LRP1B: variants seen among roughly 807,000 people sequenced by gnomAD.
LRP1B encodes low-density lipoprotein receptor-related protein 1B.
In LRP1B, 217 loss-of-function variants were observed where a neutral mutation model predicts 556.6. The observed-to-expected ratio is 0.39, with a 90% CI of 0.35 to 0.44. The LOEUF is 0.44. Among genes scored for constraint, LRP1B ranks in the 20% least tolerant of loss-of-function variants. The pLI, the probability that LRP1B is intolerant of heterozygous loss-of-function variation, is 1.00. For synonymous variants in LRP1B, 2,047 were observed against 1,865.8 expected, an observed-to-expected ratio of 1.10 and a Z score of -2.50; for missense variants, 5,053 against 5,620.8, an observed-to-expected ratio of 0.90 and a Z score of 3.23.
At chr2:141,303,921 C>A (rs891552817) in intron 3 of LRP1B, among the ~76,000 whole-genome samples, 2 of 152,090 alleles carry the variant, frequency 1.3e-5, no homozygotes, top group African/African-American at 4.8e-5. Context: ...TTACCAACAT[C>A]TTTTATTATT....
At chr2:140,378,414 G>A (rs1683330222) in intron 67 of LRP1B, 128 bp from the exon 68 acceptor site, 3 of 568,760 alleles carry the variant, frequency 5.3e-6, no homozygotes, top group East Asian at 2.9e-5. Context: ...CCAATATATT[G>A]TTTAGGAAAA....
At chr2:141,370,025 T>C (rs1046167213) in intron 3 of LRP1B, among the ~76,000 whole-genome samples, 4 of 152,228 alleles carry the variant, frequency 2.6e-5, no homozygotes, top group Non-Finnish European at 5.9e-5. Context: ...TGCCACCTTT[T>C]CTTTATCCAT....
chr2:141,932,352 T>C (rs1309022844), intron 1 of LRP1B, among the ~76,000 whole-genome samples: 1 of 152,112 alleles, frequency 6.6e-6, no homozygotes, highest in Non-Finnish European at 1.5e-5. Context: ...ACACCGTTCA[T>C]TACTTTGCAA....
chr2:141,403,861 C>T (rs966169409), intron 3 of LRP1B, among the ~76,000 whole-genome samples: 4 of 152,198 alleles, frequency 2.6e-5, no homozygotes, highest in African/African-American at 9.6e-5. Flanking sequence ...AGAGGCCAGT[C>T]GCTCCCCTGA....
At chr2:140,668,641 A>T (rs1353058936) in intron 41 of LRP1B, among the ~76,000 whole-genome samples, 4 of 152,122 alleles carry the variant, frequency 2.6e-5, no homozygotes, top group Non-Finnish European at 5.9e-5. Flanking sequence ...ATAAACATAA[A>T]TTTTATTTAT....
At chr2:141,066,418 C>T (rs375409710) in intron 7 of LRP1B, among the ~76,000 whole-genome samples, 28 of 151,988 alleles carry the variant, frequency 1.8e-4, no homozygotes, top group South Asian at 4.1e-4. Flanking sequence ...ACAAAGGGAG[C>T]GCTCATGGAC....
chr2:141,955,477 T>C (rs56350000), intron 1 of LRP1B, among the ~76,000 whole-genome samples: 2,323 of 152,216 alleles, frequency 0.015, 31 homozygotes, highest in Non-Finnish European at 0.022. Context: ...AATGTGGACA[T>C]TGTATAAATG....
intron 10 of LRP1B, 34 bp downstream of exon 10, chr2:141,055,082 A>G (rs768749900): frequency 3.1e-6 from 5 of 1,608,664 alleles, no homozygotes; most frequent in East Asian, 2.2e-5. Flanking sequence ...CTAAAGGGGT[A>G]GCTGCTGGCA....
At chr2:141,832,393 C>G (rs918667902) in intron 1 of LRP1B, among the ~76,000 whole-genome samples, 2 of 150,158 alleles carry the variant, frequency 1.3e-5, no homozygotes, top group African/African-American at 2.4e-5. Context: ...AACAAATGAA[C>G]AAAGAAGTAG....
intron 1 of LRP1B, among the ~76,000 whole-genome samples, chr2:141,895,048 CAAAAAAA>C (rs369108197): frequency 1.3e-5 from 1 of 78,522 alleles, no homozygotes. Context: ...AACTCCATCT[CAAAAAAA>C]AAAAAAAAAA....
chr2:141,090,018 T>G (rs187111024), intron 7 of LRP1B, among the ~76,000 whole-genome samples: 12 of 152,280 alleles, frequency 7.9e-5, no homozygotes, highest in Non-Finnish European at 1.2e-4. Context: ...GGTGCCCAAG[T>G]GTAATCAACT....
At chr2:140,295,408 G>A (rs1328895947) in intron 84 of LRP1B, among the ~76,000 whole-genome samples, 1 of 152,180 alleles carries the variant, frequency 6.6e-6, no homozygotes, top group Non-Finnish European at 1.5e-5. Context: ...TTCTGCAGAA[G>A]AAGTCCCTCT....
chr2:141,462,694 T>A (rs1221641928), intron 3 of LRP1B, among the ~76,000 whole-genome samples: 2 of 152,030 alleles, frequency 1.3e-5, no homozygotes, highest in Non-Finnish European at 2.9e-5. Context: ...AATTACCCCA[T>A]CCTCTCCTTA....
intron 83 of LRP1B, among the ~76,000 whole-genome samples, chr2:140,300,201 T>C (rs948212194): frequency 3.3e-5 from 5 of 152,180 alleles, no homozygotes; most frequent in African/African-American, 7.2e-5. Context: ...TTATTTCTCT[T>C]TCTTTGAAGA....
chr2:141,232,506 C>G (rs376716681), intron 5 of LRP1B, among the ~76,000 whole-genome samples: 1 of 152,028 alleles, frequency 6.6e-6, no homozygotes, highest in South Asian at 2.1e-4. Context: ...GAAGAGAGGC[C>G]GGAATATAAA....
intron 59 of LRP1B, among the ~76,000 whole-genome samples, chr2:140,480,806 G>C (rs1033230546): frequency 6.6e-6 from 1 of 152,064 alleles, no homozygotes; most frequent in East Asian, 1.9e-4. Context: ...TTAAAATAAG[G>C]CATGCTGGTA....
intron 41 of LRP1B, among the ~76,000 whole-genome samples, chr2:140,662,416 G>A (rs765661056): frequency 6.6e-6 from 1 of 151,732 alleles, no homozygotes. Flanking sequence ...GATGGAAGAG[G>A]GTAATAATAC....
At chr2:140,343,556 A>G (rs1262141977) in intron 77 of LRP1B, among the ~76,000 whole-genome samples, 1 of 151,692 alleles carries the variant, frequency 6.6e-6, no homozygotes, top group Non-Finnish European at 1.5e-5. Context: ...GCAATCATTA[A>G]AAAATGGCAT....
intron 1 of LRP1B, among the ~76,000 whole-genome samples, chr2:141,877,065 G>T (rs1458149778): frequency 6.6e-6 from 1 of 151,890 alleles, no homozygotes; most frequent in Non-Finnish European, 1.5e-5. Context: ...TATAATTTTA[G>T]TATTATTTAA....
Sources: gnomAD v4.1 joint callset for allele counts (sites outside exome capture counted in the v4.1 genomes callset) on GRCh38, gnomAD v4.1.1 for gene constraint, MANE v1.5 for transcripts, NCBI Gene and HGNC (gene_info 2026-07-23, HGNC 2026-07-21) for gene names.